The following WDPCP variants were observed in gnomAD, a reference collection of about 807,000 sequenced individuals.
WDPCP encodes WD repeat containing planar cell polarity effector.
Under a neutral mutation model 93.1 loss-of-function variants are expected in WDPCP, and 71 were observed. The observed-to-expected ratio is 0.76, with a 90% confidence interval of 0.63 to 0.93. The LOEUF is 0.93. Among genes scored for constraint, WDPCP ranks in the 40% least tolerant of loss-of-function variants. The pLI is 0.00. For synonymous variants in WDPCP, 315 were observed against 315.0 expected (o/e 1.00, Z 0.00); for missense variants, 844 against 887.4 (o/e 0.95, Z 0.62).
At chr2:63,181,966 A>C (rs975092530) in intron 14 of WDPCP, among the ~76,000 whole-genome samples, 2 of 151,768 alleles carry the variant, frequency 1.3e-5, no homozygotes, top group African/African-American at 4.8e-5. Flanking sequence ...TTTGGTTCTC[A>C]GTTTGTTGTT....
chr2:63,687,266 G>T (rs1388547134), intron 2 of WDPCP, among the ~76,000 whole-genome samples: 1 of 152,236 alleles, frequency 6.6e-6, no homozygotes, highest in Non-Finnish European at 1.5e-5. Flanking sequence ...AGACATTGGA[G>T]TGGGCAAAGA....
Position 63,282,086 on chromosome 2 carries a change from A to C in WDPCP, c.1813-22677T>G, listed in dbSNP as rs541804098. Among the ~76,000 whole-genome samples, 3 of 152,354 alleles carry C rather than the reference A, an allele frequency of 2.0e-5. 1 individual carries two copies. Among genetic ancestry groups the C allele is most frequent in the African/African-American group, 7.2e-5 (3 of 41,580 alleles). ...ACAGAAATAGATAAAATAATCCTAA[A>C]AGTATTATAGAACCACAAACAACTC... On this transcript the variant is annotated intron_variant, in intron 13 of 17. Transcript: ENST00000272321.
At chr2:63,643,651 C>T in intron 3 of WDPCP, 2 of 460,292 alleles carry the variant, frequency 4.3e-6, no homozygotes, top group South Asian at 3.5e-5. Context: ...TCCTTTTGTA[C>T]CCACAAAGAT....
At chr2:63,128,149 A>G (rs1670047330) in intron 17 of WDPCP, among the ~76,000 whole-genome samples, 1 of 152,150 alleles carries the variant, frequency 6.6e-6, no homozygotes, top group South Asian at 2.1e-4. Context: ...AAAAAAAATT[A>G]ATAAATAAAT....
chr2:63,159,122 A>G (rs1024716196), intron 15 of WDPCP, among the ~76,000 whole-genome samples: 1 of 151,422 alleles, frequency 6.6e-6, no homozygotes, highest in Non-Finnish European at 1.5e-5. Context: ...CACCATTGCA[A>G]TCTAGCCTGT....
intron 9 of WDPCP, among the ~76,000 whole-genome samples, chr2:63,409,481 C>T (rs1558592427): frequency 1.3e-5 from 2 of 152,258 alleles, no homozygotes; most frequent in South Asian, 4.1e-4. Context: ...TAACAGGACA[C>T]AACAAGGCTC....
At chr2:63,194,646 T>G (rs1180501462) in intron 14 of WDPCP, among the ~76,000 whole-genome samples, 1 of 152,200 alleles carries the variant, frequency 6.6e-6, no homozygotes. Flanking sequence ...TAAGTAGTCA[T>G]TCTTTGGGGA....
At chr2:63,237,188 T>C (rs1209339384) in intron 14 of WDPCP, among the ~76,000 whole-genome samples, 2 of 151,658 alleles carry the variant, frequency 1.3e-5, no homozygotes, top group East Asian at 3.9e-4. Flanking sequence ...GAAAAGACAC[T>C]ACTCAAAAGA....
intron 12 of WDPCP, among the ~76,000 whole-genome samples, chr2:63,361,381 T>G (rs180861077): frequency 2.0e-5 from 3 of 152,332 alleles, no homozygotes; most frequent in Admixed American, 2.0e-4. Flanking sequence ...AATCCTAAAT[T>G]ACACCAAGCA....
At chr2:63,256,113 C>G (rs1016075759) in intron 14 of WDPCP, among the ~76,000 whole-genome samples, 2 of 152,108 alleles carry the variant, frequency 1.3e-5, no homozygotes, top group Non-Finnish European at 2.9e-5. Flanking sequence ...CCAAATGTAT[C>G]TATGAATTAA....
intron 12 of WDPCP, among the ~76,000 whole-genome samples, chr2:63,322,480 C>T (rs1249883780): frequency 6.6e-6 from 1 of 152,170 alleles, no homozygotes; most frequent in African/African-American, 2.4e-5. Context: ...TCTGCAGCTT[C>T]ACTCCTGAAG....
chr2:63,739,788 T>C (rs2103850994), intron 2 of WDPCP, among the ~76,000 whole-genome samples: 1 of 152,218 alleles, frequency 6.6e-6, no homozygotes, highest in South Asian at 2.1e-4. Flanking sequence ...TGGTGTGAAA[T>C]GGTATCCCAC....
At chr2:63,165,992 GTTGCCTGTTTTTGTAAATAAAGTTTT>G (rs1672938268) in intron 15 of WDPCP, among the ~76,000 whole-genome samples, 1 of 150,868 alleles carries the variant, frequency 6.6e-6, no homozygotes, top group East Asian at 1.9e-4. Context: ...TTATGGACTG[GTTGCCTGTTTTTGTAAATAAAGTTTT>G]TTGTTTGTTT....
intron 1 of WDPCP, among the ~76,000 whole-genome samples, chr2:63,571,855 A>T (rs1442181555): frequency 1.3e-5 from 2 of 152,112 alleles, no homozygotes; most frequent in Non-Finnish European, 2.9e-5. Context: ...TTATTTCAGC[A>T]CTGTTTCTAT....
At chr2:63,412,586 A>T (rs1010145305) in intron 9 of WDPCP, among the ~76,000 whole-genome samples, 4 of 152,192 alleles carry the variant, frequency 2.6e-5, no homozygotes, top group Non-Finnish European at 5.9e-5. Flanking sequence ...GAGGAAGTCA[A>T]ACTGTCACTG....
intron 9 of WDPCP, among the ~76,000 whole-genome samples, chr2:63,408,409 C>A (rs1035819513): frequency 1.3e-5 from 2 of 152,058 alleles, no homozygotes; most frequent in African/African-American, 4.8e-5. Flanking sequence ...AGGGGTAGTG[C>A]AAGTAGCAGA....
chr2:63,196,904 T>A (rs1191466743), intron 14 of WDPCP, among the ~76,000 whole-genome samples: 3 of 152,238 alleles, frequency 2.0e-5, no homozygotes, highest in African/African-American at 7.2e-5. Context: ...GGGTTCTGAC[T>A]GTTCAAGACT....
At chr2:63,781,767 G>A (rs150839752) in intron 2 of WDPCP, among the ~76,000 whole-genome samples, 4 of 152,202 alleles carry the variant, frequency 2.6e-5, no homozygotes, top group Admixed American at 1.3e-4. Flanking sequence ...GCGTGTCCCC[G>A]AAATGAATTA....
intron 14 of WDPCP, among the ~76,000 whole-genome samples, chr2:63,215,055 A>G (rs903463914): frequency 6.6e-6 from 1 of 152,198 alleles, no homozygotes; most frequent in Non-Finnish European, 1.5e-5. Context: ...TGCCCAAGGT[A>G]ATCTATAGAT....
Sources: allele counts gnomAD v4.1 joint callset (sites outside exome capture counted in the v4.1 genomes callset), GRCh38; gene constraint gnomAD v4.1.1; transcripts MANE v1.5; gene names NCBI Gene and HGNC (gene_info 2026-07-23, HGNC 2026-07-21).